UBE2W: variants seen among roughly 807,000 people sequenced by gnomAD.
UBE2W encodes ubiquitin-conjugating enzyme E2 W.
A neutral mutation model predicts 27.2 loss-of-function variants in UBE2W; 18 were observed. The ratio of observed to expected loss-of-function variants is 0.66; its 90% CI spans 0.46 to 0.98. The LOEUF (loss-of-function observed/expected upper bound fraction) is 0.98, where lower values mean the gene tolerates loss of function less well. UBE2W is among the 50% of genes least tolerant of loss of function. The pLI is 0.00. For missense variants in UBE2W, 90 were observed against 180.2 expected, an observed-to-expected ratio of 0.50 and a Z score of 2.87; for synonymous variants, 53 against 57.2, an observed-to-expected ratio of 0.93 and a Z score of 0.33.
intron 1 of UBE2W, among the ~76,000 whole-genome samples, chr8:73,851,634 T>C (rs946371521): frequency 2.0e-5 from 3 of 152,150 alleles, no homozygotes; most frequent in Non-Finnish European, 4.4e-5. Context: ...GTGGCATATG[T>C]ACTGGAGAAG....
At chr8:73,868,285 A>T (rs1811861204) in intron 1 of UBE2W, among the ~76,000 whole-genome samples, 1 of 152,156 alleles carries the variant, frequency 6.6e-6, no homozygotes, top group Non-Finnish European at 1.5e-5. Context: ...GCCTTGTAAA[A>T]ACCCGAAAGG....
chr8:73,877,536 A>T (rs1056601641), intron 1 of UBE2W, among the ~76,000 whole-genome samples: 1 of 152,228 alleles, frequency 6.6e-6, no homozygotes, highest in Non-Finnish European at 1.5e-5. Context: ...ACAAAAGAGG[A>T]AGAAGATGCA....
At chr8:73,805,474 A>AAAAAAAAAAAAAAAAAAAC (rs1563578043) in intron 5 of UBE2W, among the ~76,000 whole-genome samples, 177 bp downstream of exon 5, 3 of 144,332 alleles carry the variant, frequency 2.1e-5, no homozygotes, top group African/African-American at 5.0e-5. Context: ...AAAAAAAACA[A>AAAAAAAAAAAAAAAAAAAC]AAAAAACTAG....
intron 1 of UBE2W, among the ~76,000 whole-genome samples, chr8:73,866,086 G>A (rs944544466): frequency 1.3e-5 from 2 of 151,614 alleles, no homozygotes; most frequent in Admixed American, 6.6e-5. Context: ...GACCATCCTG[G>A]CCAACATGGT....
At chr8:73,833,418 T>C (rs550547247) in intron 1 of UBE2W, among the ~76,000 whole-genome samples, 1 of 152,090 alleles carries the variant, frequency 6.6e-6, no homozygotes, top group African/African-American at 2.4e-5. Context: ...AATTTTAATA[T>C]ATAATGATCA....
downstream of UBE2W, among the ~76,000 whole-genome samples, chr8:73,783,341 T>C (rs1320848990): frequency 2.6e-5 from 4 of 152,210 alleles, no homozygotes; most frequent in Non-Finnish European, 5.9e-5. Flanking sequence ...GTTTTTGCTC[T>C]CAATTTAGGT....
intron 5 of UBE2W, among the ~76,000 whole-genome samples, chr8:73,798,394 T>TC (rs542298794): frequency 1.1e-3 from 170 of 152,254 alleles, no homozygotes; most frequent in Middle Eastern, 3.4e-3. Context: ...TTGGCTCCCA[T>TC]CCCCAAGATA....
At position 73,792,403 on chromosome 8, in the gene UBE2W, CCT is replaced by C. The variant is rs1334565876; in HGVS notation, c.*1697_*1698del. On this transcript the variant is annotated 3_prime_UTR_variant, in exon 6 of 6. Transcript: ENST00000602593. Reference sequence around the variant, plus strand: ...GACATATTTTTGAAGTCTACCCACCCCTGAGTTCAGCAATTATACTTTGAGTG... The same window carrying C: ...GACATATTTTTGAAGTCTACCCACCCGAGTTCAGCAATTATACTTTGAGTG... 1.0e-5 allele frequency: 10 copies of C among 985,328 alleles called. No individual in the cohort carries two copies. In the Admixed American group the frequency reaches 3.7e-4, roughly 36 times the overall value. The allele number at this position is 985,328 out of a possible 1,614,324, so 61.0% of individuals were successfully genotyped here. A position where few individuals can be genotyped will look rare whatever the true frequency, so the allele number is the denominator to read the frequency against.
rs1808257879 is a variant in UBE2W at position 73,792,818 on chromosome 8, TAGCTGTA to T, written c.*1277_*1283del. ...TTTTTTTTCTATAGAAAGTTTCATC[TAGCTGTA>T]AGCAAAGTCTTTTCAACAACAACAA... On this transcript the variant is annotated 3_prime_UTR_variant, in exon 6 of 6. Coordinates refer to ENST00000602593, the MANE Select transcript of UBE2W (RefSeq NM_018299.6). The T allele has an allele frequency of 4.1e-6, 4 of 985,542 alleles. No homozygotes were observed. Among genetic ancestry groups the T allele is most frequent in the Middle Eastern group, 5.2e-4 (1 of 1,914 alleles). The allele number at this position is 985,542 out of a possible 1,614,324, so 61.0% of individuals were successfully genotyped here. A position where few individuals can be genotyped will look rare whatever the true frequency, so the allele number is the denominator to read the frequency against.
Position 73,791,068 on chromosome 8 carries a change from C to T in UBE2W, c.*3034G>A. 3 of 984,872 alleles carry T rather than the reference C, an allele frequency of 3.0e-6. No homozygotes were observed. In the South Asian group the frequency reaches 1.4e-4, roughly 46 times the overall value. 61.0% of individuals were successfully genotyped at this position (984,872 alleles called of 1,614,324 possible). Reference sequence around the variant, plus strand: ...ACTGCTGACTATATAGAAGCTATTTCCAGCACTTTCTTCTGGGGATTAAAA... The same window carrying T: ...ACTGCTGACTATATAGAAGCTATTTTCAGCACTTTCTTCTGGGGATTAAAA... On this transcript the variant is annotated 3_prime_UTR_variant, in exon 6 of 6. Coordinates refer to ENST00000602593, the MANE Select transcript of UBE2W (RefSeq NM_018299.6).
At chr8:73,786,203 A>C, downstream of UBE2W, 1 of 985,162 alleles carries the variant, frequency 1.0e-6, no homozygotes, top group Non-Finnish European at 1.2e-6. Flanking sequence ...ACACCTATAA[A>C]AAAAGCCAAA....
chr8:73,793,843 T>A lies in UBE2W; in HGVS notation c.*259A>T, dbSNP rs1434744500. ...TTCCAAAAGCTTAAAAAAATAAAAATAAAAAATGGAATTATATTTGACATT... is the reference window on the plus strand; with the variant it reads ...TTCCAAAAGCTTAAAAAAATAAAAAAAAAAAATGGAATTATATTTGACATT... On this transcript the variant is annotated 3_prime_UTR_variant, in exon 6 of 6. Transcript: ENST00000602593. The A allele has an allele frequency of 1.0e-5, 12 of 1,203,074 alleles. No homozygotes were observed. The highest frequency in any genetic ancestry group is 1.2e-5 in the Non-Finnish European group (12 of 964,552). 74.5% of individuals were successfully genotyped at this position (1,203,074 alleles called of 1,614,324 possible).
rs2130838894 is a variant in UBE2W at position 73,791,529 on chromosome 8, T to C, written c.*2573A>G. Reference sequence around the variant, plus strand: ...ATTCCTATATACATTTTCTTGATATTCTGGTTGTCTTTCAACAATGCATTA... The same window carrying C: ...ATTCCTATATACATTTTCTTGATATCCTGGTTGTCTTTCAACAATGCATTA... On this transcript the variant is annotated 3_prime_UTR_variant, in exon 6 of 6. Coordinates refer to ENST00000602593, the MANE Select transcript of UBE2W (RefSeq NM_018299.6). The C allele has an allele frequency of 1.0e-6, 1 of 985,250 alleles. No individual in the cohort carries two copies. Among genetic ancestry groups the C allele is most frequent in the Admixed American group, 6.1e-5 (1 of 16,270 alleles). 61.0% of individuals were successfully genotyped at this position (985,250 alleles called of 1,614,324 possible).
chr8:73,845,724 A>C (rs1810771445), intron 1 of UBE2W, among the ~76,000 whole-genome samples: 1 of 152,130 alleles, frequency 6.6e-6, no homozygotes, highest in African/African-American at 2.4e-5. Flanking sequence ...AAAATTTAAA[A>C]AAAAAAAGCT....
intron 1 of UBE2W, among the ~76,000 whole-genome samples, chr8:73,853,564 C>T (rs934981735): frequency 6.6e-6 from 1 of 152,078 alleles, no homozygotes; most frequent in East Asian, 1.9e-4. Context: ...CCTGACCCAG[C>T]AAAATATATT....
intron 1 of UBE2W, among the ~76,000 whole-genome samples, chr8:73,877,250 A>G (rs1214483480): frequency 6.6e-6 from 1 of 152,244 alleles, no homozygotes; most frequent in Admixed American, 6.5e-5. Flanking sequence ...CTGTTCAACT[A>G]GCATTCCACT....
intron 2 of UBE2W, among the ~76,000 whole-genome samples, chr8:73,827,693 C>T (rs1809908402): frequency 6.6e-6 from 1 of 152,012 alleles, no homozygotes; most frequent in African/African-American, 2.4e-5. Context: ...CCATGCCCAG[C>T]CAACTTTTAA....
chr8:73,808,986 C>T (rs1563581268), intron 4 of UBE2W, among the ~76,000 whole-genome samples: 1 of 152,146 alleles, frequency 6.6e-6, no homozygotes, highest in Non-Finnish European at 1.5e-5. Context: ...ACAGATATCG[C>T]TGACATTAAT....
intron 1 of UBE2W, chr8:73,834,059 A>G (rs1009148431): frequency 6.6e-6 from 1 of 152,246 alleles, no homozygotes; most frequent in Admixed American, 6.5e-5. Flanking sequence ...CTTTTCTTAA[A>G]GTGAAGAAGA....
Sources: gnomAD v4.1 joint callset for allele counts (sites outside exome capture counted in the v4.1 genomes callset) on GRCh38, gnomAD v4.1.1 for gene constraint, MANE v1.5 for transcripts, NCBI Gene and HGNC (gene_info 2026-07-23, HGNC 2026-07-21) for gene names.